ADAMTS18: variants seen among roughly 807,000 people sequenced by gnomAD.
ADAMTS18 encodes A disintegrin and metalloproteinase with thrombospondin motifs 18.
Under a neutral mutation model 165.9 loss-of-function variants are expected in ADAMTS18, and 157 were observed. That is an observed-to-expected ratio of 0.95 (90% CI 0.83 to 1.08). ADAMTS18 has a LOEUF of 1.08. ADAMTS18 is among the 50% of genes least tolerant of loss of function. The pLI, the probability that ADAMTS18 is intolerant of heterozygous loss-of-function variation, is 0.00. For missense variants in ADAMTS18, 2,040 were observed against 1,534.0 expected, an observed-to-expected ratio of 1.33 and a Z score of -5.51; for synonymous variants, 782 against 578.2, an observed-to-expected ratio of 1.35 and a Z score of -5.06.
intron 3 of ADAMTS18, among the ~76,000 whole-genome samples, chr16:77,400,477 TGTGTTTTG>T (rs2057315019): frequency 2.8e-4 from 35 of 124,396 alleles, no homozygotes; most frequent in East Asian, 1.6e-3. Flanking sequence ...TGTGTGTGTG[TGTGTTTTG>T]TTTTTTTTTT....
Position 77,319,762 on chromosome 16 carries a change from G to A in ADAMTS18, c.2532+87C>T. 1.9e-6 allele frequency: 3 copies of A among 1,602,568 alleles called. No homozygotes were observed. In the South Asian group the frequency reaches 3.3e-5, roughly 18 times the overall value. On this transcript the variant is annotated intron_variant, in intron 16 of 22. Coordinates refer to ENST00000282849, the MANE Select transcript of ADAMTS18 (RefSeq NM_199355.4). ...CCGGCCAGGAAACACCTTTGAACTA[G>A]AAGGACTGGAGTTCTGGCTCAAATT...
At chr16:77,407,873 T>C (rs1019156485) in intron 3 of ADAMTS18, among the ~76,000 whole-genome samples, 2 of 152,074 alleles carry the variant, frequency 1.3e-5, no homozygotes, top group Non-Finnish European at 2.9e-5. Context: ...ATCTTGGATG[T>C]AAGAAAGCAT....
chr16:77,355,880 G>C (rs2056621954), intron 9 of ADAMTS18, 60 bp downstream of exon 9: 4 of 1,605,152 alleles, frequency 2.5e-6, no homozygotes, highest in Non-Finnish European at 1.7e-6. Context: ...GCAGGTCTAT[G>C]GAGCACAATT....
chr16:77,339,324 T>C (rs1313592582), intron 11 of ADAMTS18, among the ~76,000 whole-genome samples: 1 of 152,106 alleles, frequency 6.6e-6, no homozygotes, highest in Non-Finnish European at 1.5e-5. Context: ...CTTAAGGGCT[T>C]TTCACCAGTA....
At chr16:77,410,166 G>C (rs1313449594) in intron 3 of ADAMTS18, among the ~76,000 whole-genome samples, 2 of 151,740 alleles carry the variant, frequency 1.3e-5, no homozygotes, top group Non-Finnish European at 1.5e-5. Context: ...ATTCTTCCTA[G>C]ATATTATACA....
chr16:77,425,080 C>A (rs749735630), intron 3 of ADAMTS18, among the ~76,000 whole-genome samples: 1 of 152,156 alleles, frequency 6.6e-6, no homozygotes, highest in African/African-American at 2.4e-5. Context: ...GAGATCAAAG[C>A]GTCCCTACCG....
intron 22 of ADAMTS18, among the ~76,000 whole-genome samples, chr16:77,285,215 C>T (rs955203227): frequency 2.6e-5 from 4 of 152,116 alleles, no homozygotes; most frequent in African/African-American, 9.7e-5. Context: ...TCTTGTTGCC[C>T]AGGCTGGAGT....
At chr16:77,333,871 T>C (rs1259647609) in intron 12 of ADAMTS18, among the ~76,000 whole-genome samples, 1 of 109,794 alleles carries the variant, frequency 9.1e-6, no homozygotes, top group African/African-American at 3.4e-5. Context: ...TACTATATTA[T>C]ATATAGTATA....
intron 3 of ADAMTS18, among the ~76,000 whole-genome samples, chr16:77,410,433 C>G (rs2057446957): frequency 6.6e-6 from 1 of 152,068 alleles, no homozygotes; most frequent in Non-Finnish European, 1.5e-5. Context: ...AATACAGATT[C>G]AACAGATCTG....
chr16:77,433,192 TA>T (rs2057759269), intron 2 of ADAMTS18, among the ~76,000 whole-genome samples: 1 of 152,162 alleles, frequency 6.6e-6, no homozygotes, highest in Non-Finnish European at 1.5e-5. Flanking sequence ...AACTAAAACT[TA>T]ACTATGAAAA....
intron 17 of ADAMTS18, among the ~76,000 whole-genome samples, chr16:77,298,639 A>T (rs192207535): frequency 4.6e-5 from 7 of 152,224 alleles, no homozygotes; most frequent in Admixed American, 4.6e-4. Flanking sequence ...AAAAAAGAAA[A>T]AAACGGGCCA....
chr16:77,379,247 C>A (rs780185276), intron 3 of ADAMTS18, among the ~76,000 whole-genome samples: 1 of 152,052 alleles, frequency 6.6e-6, no homozygotes, highest in Non-Finnish European at 1.5e-5. Flanking sequence ...TGTTTAACTC[C>A]AGCCTTCGTC....
At chr16:77,335,663 A>G in intron 12 of ADAMTS18, 93 bp downstream of exon 12, 1 of 1,486,184 alleles carries the variant, frequency 6.7e-7, no homozygotes, top group Non-Finnish European at 9.4e-7. Context: ...TTAAAAATAA[A>G]AAAATAAACT....
chr16:77,307,673 C>T (rs1407348868), intron 16 of ADAMTS18, among the ~76,000 whole-genome samples: 1 of 152,226 alleles, frequency 6.6e-6, no homozygotes, highest in Non-Finnish European at 1.5e-5. Flanking sequence ...TCGAGCCTGA[C>T]TATTCTATCA....
At chr16:77,429,128 A>G (rs1478150914) in intron 3 of ADAMTS18, among the ~76,000 whole-genome samples, 1 of 152,214 alleles carries the variant, frequency 6.6e-6, no homozygotes, top group Non-Finnish European at 1.5e-5. Context: ...ATAAAGACAC[A>G]TGCATGTGAA....
rs34270588 is a variant in ADAMTS18, at chr16:77,364,283, G to A, written c.877C>T (p.Leu293Phe). 5 of 1,613,826 alleles carry A rather than the reference G, an allele frequency of 3.1e-6. No individual in the cohort carries two copies. The African/African-American group carries it at 4.0e-5, about 13-fold the overall frequency. ...GCCACCACGAGGGTTTCCACATTGA[G>A]GCCCTTTTGTGATTTTCCAGCTGAT... ...RRSAGKSQKG[L>F]NVETLVVADK... Residue 293 changes from leucine (L) to phenylalanine (F), a missense_variant, in exon 5 of 23, where the codon CTC (leucine) becomes TTC (phenylalanine). Transcript: ENST00000282849.
At chr16:77,365,790 T>C (rs991345952) in intron 4 of ADAMTS18, among the ~76,000 whole-genome samples, 2 of 152,228 alleles carry the variant, frequency 1.3e-5, no homozygotes, top group African/African-American at 2.4e-5. Flanking sequence ...TGAAACTAGC[T>C]CCCTACAGAG....
At chr16:77,313,930 A>G (rs2055832167) in intron 16 of ADAMTS18, among the ~76,000 whole-genome samples, 1 of 152,202 alleles carries the variant, frequency 6.6e-6, no homozygotes, top group Admixed American at 6.5e-5. Flanking sequence ...TTAATAAGAG[A>G]GTTCAATTTC....
chr16:77,338,037 G>T (rs2056338274), intron 11 of ADAMTS18, among the ~76,000 whole-genome samples: 1 of 151,754 alleles, frequency 6.6e-6, no homozygotes, highest in East Asian at 1.9e-4. Context: ...CCAAGTAGCT[G>T]GGATTATAGG....
Sources: allele counts gnomAD v4.1 joint callset (sites outside exome capture counted in the v4.1 genomes callset), GRCh38; gene constraint gnomAD v4.1.1; transcripts MANE v1.5; gene names NCBI Gene and HGNC (gene_info 2026-07-23, HGNC 2026-07-21).